The following ANGPT1 variants were observed in gnomAD, a reference collection of about 807,000 sequenced individuals.
The protein encoded by ANGPT1 is angiopoietin-1.
ANGPT1 carries 17 observed loss-of-function variants against 62.2 expected under a neutral mutation model. The ratio of observed to expected loss-of-function variants is 0.27; its 90% CI spans 0.19 to 0.41. The LOEUF (loss-of-function observed/expected upper bound fraction) is 0.41. Among genes scored for constraint, ANGPT1 ranks in the 10% least tolerant of loss-of-function variants. The probability of loss-of-function intolerance (pLI) is 1.00; values close to 1 mark genes in which losing one functional copy is unlikely to be tolerated. For missense variants in ANGPT1, 478 were observed against 594.9 expected (o/e 0.80, Z 2.04); for synonymous variants, 199 against 198.9 (o/e 1.00, Z 0.00).
chr8:107,341,820 C>T (rs1201946597), intron 2 of ANGPT1, among the ~76,000 whole-genome samples: 1 of 151,980 alleles, frequency 6.6e-6, no homozygotes, highest in Non-Finnish European at 1.5e-5. Context: ...GAGTCTATCT[C>T]CGGAGTCTGG....
intron 2 of ANGPT1, among the ~76,000 whole-genome samples, chr8:107,343,165 AGG>A (rs1815732261): frequency 6.6e-6 from 1 of 151,996 alleles, no homozygotes; most frequent in African/African-American, 2.4e-5. Flanking sequence ...AGTGCTATTG[AGG>A]TCCAAACGGC....
chr8:107,282,686 C>A (rs1197085537), intron 7 of ANGPT1, among the ~76,000 whole-genome samples: 1 of 149,106 alleles, frequency 6.7e-6, no homozygotes, highest in East Asian at 2.0e-4. Flanking sequence ...TCAAGGTTCA[C>A]AGTTCTATCA....
At chr8:107,457,745 T>C (rs2130468810) in intron 1 of ANGPT1, among the ~76,000 whole-genome samples, 1 of 151,882 alleles carries the variant, frequency 6.6e-6, no homozygotes, top group African/African-American at 2.4e-5. Context: ...TTTCACTTTT[T>C]GAAGTTTAAA....
intron 4 of ANGPT1, among the ~76,000 whole-genome samples, chr8:107,317,920 C>G (rs528293154): frequency 6.6e-6 from 1 of 152,138 alleles, no homozygotes; most frequent in African/African-American, 2.4e-5. Flanking sequence ...CATGAGCCAC[C>G]GCGCCTGGCC....
At chr8:107,347,213 G>T in intron 1 of ANGPT1, 116 bp from the exon 2 acceptor site, 1 of 1,030,998 alleles carries the variant, frequency 9.7e-7, no homozygotes, top group South Asian at 1.7e-5. Flanking sequence ...ATCTGGCGGG[G>T]ATCCTCTACA....
rs2130062193 is a variant in ANGPT1, at chr8:107,321,947, C to G, written c.757G>C (p.Glu253Gln). ...AGGTTGTGGACTGTGTCCATCAGCT[C>G]CAGTTGCTGCTTCTGAAGGACACTG... ...NNSVLQKQQL[E>Q]LMDTVHNLVN... The change falls in exon 4 of 9, where the codon GAG becomes CAG. Residue 253 changes from glutamate (E) to glutamine (Q), a missense_variant. Glu to Gln is a conservative substitution (Grantham distance 29). Coordinates refer to ENST00000517746, the MANE Select transcript of ANGPT1 (RefSeq NM_001146.5). 1 of 1,613,950 alleles carries G rather than the reference C, an allele frequency of 6.2e-7. No homozygotes were observed. Among genetic ancestry groups the G allele is most frequent in the Non-Finnish European group, 8.5e-7 (1 of 1,179,878 alleles).
chr8:107,484,170 C>A (rs1812756516), intron 1 of ANGPT1, among the ~76,000 whole-genome samples: 1 of 152,150 alleles, frequency 6.6e-6, no homozygotes, highest in African/African-American at 2.4e-5. Context: ...GTGAAAGAGG[C>A]AAGAAGAGTG....
intron 1 of ANGPT1, among the ~76,000 whole-genome samples, chr8:107,415,681 T>A (rs1271379690): frequency 6.6e-6 from 1 of 152,134 alleles, no homozygotes; most frequent in Non-Finnish European, 1.5e-5. Context: ...GTAAAGGTGA[T>A]CCAGTAAAAG....
intron 1 of ANGPT1, among the ~76,000 whole-genome samples, chr8:107,398,500 A>ATTTTTTTT (rs10556477): frequency 4.5e-5 from 6 of 132,762 alleles, no homozygotes; most frequent in Non-Finnish European, 6.3e-5. Context: ...TTTCTTTTCT[A>ATTTTTTTT]TTTTTTTTTT....
intron 1 of ANGPT1, among the ~76,000 whole-genome samples, chr8:107,409,134 A>C (rs1310136166): frequency 6.6e-6 from 1 of 152,210 alleles, no homozygotes. Flanking sequence ...GAAAAATCAA[A>C]TGGCTTCAGA....
At chr8:107,312,473 T>G (rs761712848) in intron 4 of ANGPT1, among the ~76,000 whole-genome samples, 1 of 152,182 alleles carries the variant, frequency 6.6e-6, no homozygotes, top group Non-Finnish European at 1.5e-5. Context: ...GCTGTAAACA[T>G]AGAAAGCAGT....
intron 1 of ANGPT1, among the ~76,000 whole-genome samples, chr8:107,396,580 C>A (rs1213980836): frequency 7.3e-6 from 1 of 136,386 alleles, no homozygotes; most frequent in Non-Finnish European, 1.5e-5. Context: ...AGAGTGCACA[C>A]CATGACCAAA....
chr8:107,461,773 G>A (rs1010369912), intron 1 of ANGPT1, among the ~76,000 whole-genome samples: 1 of 152,062 alleles, frequency 6.6e-6, no homozygotes, highest in African/African-American at 2.4e-5. Flanking sequence ...ATAAATGAAT[G>A]AATGAATGAA....
intron 3 of ANGPT1, among the ~76,000 whole-genome samples, chr8:107,334,925 T>C (rs908095766): frequency 1.3e-5 from 2 of 152,182 alleles, no homozygotes; most frequent in African/African-American, 4.8e-5. Flanking sequence ...AGTACAAGGA[T>C]AAATAAATGT....
intron 1 of ANGPT1, among the ~76,000 whole-genome samples, chr8:107,465,768 A>T (rs1387784923): frequency 6.6e-6 from 1 of 152,202 alleles, no homozygotes; most frequent in Admixed American, 6.5e-5. Flanking sequence ...TCTAAATAGA[A>T]TCCTAACAGG....
intron 7 of ANGPT1, among the ~76,000 whole-genome samples, chr8:107,280,861 A>T (rs536494127): frequency 6.6e-6 from 1 of 152,152 alleles, no homozygotes; most frequent in African/African-American, 2.4e-5. Flanking sequence ...AGCATGGAAG[A>T]TATATATGAG....
chr8:107,364,350 G>A (rs147909307), intron 1 of ANGPT1, among the ~76,000 whole-genome samples: 8 of 152,172 alleles, frequency 5.3e-5, no homozygotes, highest in Non-Finnish European at 7.4e-5. Flanking sequence ...GTGAAATCTC[G>A]ACTGACTGTA....
chr8:107,420,795 A>G (rs2130378664), intron 1 of ANGPT1, among the ~76,000 whole-genome samples: 1 of 152,294 alleles, frequency 6.6e-6, no homozygotes, highest in Admixed American at 6.5e-5. Flanking sequence ...GATTAAAAAT[A>G]ATAGTTTGTA....
At chr8:107,467,188 A>G (rs1812226559) in intron 1 of ANGPT1, among the ~76,000 whole-genome samples, 1 of 152,038 alleles carries the variant, frequency 6.6e-6, no homozygotes, top group African/African-American at 2.4e-5. Context: ...AAGGTGATAG[A>G]TACCCCAATT....
Sources: gnomAD v4.1 joint callset for allele counts (sites outside exome capture counted in the v4.1 genomes callset) on GRCh38, gnomAD v4.1.1 for gene constraint, MANE v1.5 for transcripts, NCBI Gene and HGNC (gene_info 2026-07-23, HGNC 2026-07-21) for gene names.